AGFG1: variants seen among roughly 807,000 people sequenced by gnomAD.
AGFG1 encodes the protein ArfGAP with FG repeats 1, also known as arf-GAP domain and FG repeat-containing protein 1.
Under a neutral mutation model 60.6 loss-of-function variants are expected in AGFG1, and 10 were observed. That is an observed-to-expected ratio of 0.16 (90% CI 0.10 to 0.28). The LOEUF (loss-of-function observed/expected upper bound fraction) is 0.28. Among genes scored for constraint, AGFG1 ranks in the 10% least tolerant of loss-of-function variants. The pLI is 1.00. For missense variants in AGFG1, 537 were observed against 676.5 expected, an observed-to-expected ratio of 0.79 and a Z score of 2.29; for synonymous variants, 247 against 242.9, an observed-to-expected ratio of 1.02 and a Z score of -0.16.
At chr2:227,522,227 A>G (rs1399604755) in intron 3 of AGFG1, among the ~76,000 whole-genome samples, 1 of 152,238 alleles carries the variant, frequency 6.6e-6, no homozygotes, top group Admixed American at 6.5e-5. Context: ...TAAGTTCAGG[A>G]AAGAAGAAAA....
intron 10 of AGFG1, among the ~76,000 whole-genome samples, chr2:227,548,341 T>G (rs1432332511): frequency 6.6e-6 from 1 of 152,214 alleles, no homozygotes; most frequent in Non-Finnish European, 1.5e-5. Flanking sequence ...GTGTAGTATG[T>G]GAACTATATT....
intron 2 of AGFG1, chr2:227,508,465 A>G (rs944139179): frequency 3.1e-6 from 1 of 325,862 alleles, no homozygotes; most frequent in Admixed American, 3.9e-5. Context: ...CCCTTGCTCA[A>G]CTCCTTGTTT....
Position 227,484,677 on chromosome 2 carries a change from GTTTTTTTTTTGTTTTTTTTT to G in AGFG1, c.168-6859_168-6840del, listed in dbSNP as rs1415619546. Among the ~76,000 whole-genome samples, 4 of 115,906 alleles carry G rather than the reference GTTTTTTTTTTGTTTTTTTTT, an allele frequency of 3.5e-5. 1 individual carries two copies. The highest frequency in any genetic ancestry group is 1.3e-4 in the African/African-American group (4 of 29,924). 76.0% of individuals were successfully genotyped at this position (115,906 alleles called of 152,430 possible). Reference sequence around the variant, plus strand: ...AAGCTTCTTTAATGAAGATCTCTTAGTTTTTTTTTTGTTTTTTTTTTTTTTTTTTTTTTTTTTTTTTTTTG... The same window carrying G: ...AAGCTTCTTTAATGAAGATCTCTTAGTTTTTTTTTTTTTTTTTTTTTTTTG... On this transcript the variant is annotated intron_variant, in intron 1 of 12. Coordinates refer to ENST00000310078, the MANE Select transcript of AGFG1 (RefSeq NM_004504.5).
intron 10 of AGFG1, among the ~76,000 whole-genome samples, chr2:227,540,877 T>G (rs1418866247): frequency 6.6e-6 from 1 of 152,236 alleles, no homozygotes; most frequent in African/African-American, 2.4e-5. Context: ...GACTTTTTAA[T>G]GATCACCATT....
intron 2 of AGFG1, among the ~76,000 whole-genome samples, chr2:227,519,616 A>G (rs1229204690): frequency 1.3e-5 from 2 of 152,130 alleles, no homozygotes; most frequent in African/African-American, 2.4e-5. Context: ...CCATTGGTTC[A>G]GTTCCTTTGT....
At chr2:227,483,616 C>T (rs182695970) in intron 1 of AGFG1, among the ~76,000 whole-genome samples, 6 of 152,322 alleles carry the variant, frequency 3.9e-5, no homozygotes, top group Admixed American at 6.5e-5. Flanking sequence ...AACATATTAT[C>T]TTTAAGATTA....
rs1373815168 is a variant in AGFG1, at chr2:227,472,410, GGC to G, written c.-9_-8del. Reference sequence around the variant, plus strand: ...CCCGGCCCTGCCGGCCTCCTCCCTTGGCGCCGCGGCCATGGCGGCCAGCGCGA... The same window carrying G: ...CCCGGCCCTGCCGGCCTCCTCCCTTGGCCGCGGCCATGGCGGCCAGCGCGA... On this transcript the variant is annotated 5_prime_UTR_variant, in exon 1 of 13. Coordinates refer to ENST00000310078, the MANE Select transcript of AGFG1 (RefSeq NM_004504.5). 31 of 1,461,908 alleles carry G rather than the reference GGC, an allele frequency of 2.1e-5. No individual in the cohort carries two copies. Among genetic ancestry groups the G allele is most frequent in the Non-Finnish European group, 2.8e-5 (31 of 1,099,470 alleles). 90.6% of individuals were successfully genotyped at this position (1,461,908 alleles called of 1,614,324 possible).
intron 10 of AGFG1, 32 bp downstream of exon 10, chr2:227,537,025 T>A (rs780329927): frequency 1.3e-6 from 2 of 1,575,620 alleles, no homozygotes; most frequent in Non-Finnish European, 1.7e-6. Flanking sequence ...ACAGTAAGTT[T>A]TGGGGAAGAC....
chr2:227,511,591 A>G (rs966967455), intron 2 of AGFG1, among the ~76,000 whole-genome samples: 5 of 152,176 alleles, frequency 3.3e-5, no homozygotes, highest in African/African-American at 1.2e-4. Context: ...TACCTAAATA[A>G]GTTGGGGAAC....
rs1173304778 is a variant in AGFG1 at position 227,556,698 on chromosome 2, C to A, written c.*2203C>A. On this transcript the variant is annotated 3_prime_UTR_variant, in exon 13 of 13. Coordinates refer to ENST00000310078, the MANE Select transcript of AGFG1 (RefSeq NM_004504.5). ...AAAGACTATTTCTTTTTCTGGGTAACTATTGAAGTTTGTAATTAAATGGGG... is the reference window on the plus strand; with the variant it reads ...AAAGACTATTTCTTTTTCTGGGTAAATATTGAAGTTTGTAATTAAATGGGG... The A allele has an allele frequency of 6.6e-6, 1 of 152,502 alleles. No homozygotes were observed. The highest frequency in any genetic ancestry group is 2.4e-5 in the African/African-American group (1 of 41,402). 9.4% of individuals were successfully genotyped at this position (152,502 alleles called of 1,614,324 possible).
Position 227,520,129 on chromosome 2 carries a change from A to G in AGFG1, c.377+66A>G, listed in dbSNP as rs1691782186. The G allele has an allele frequency of 5.5e-6, 5 of 916,308 alleles. No individual in the cohort carries two copies. The South Asian group carries it at 7.7e-5, about 14-fold the overall frequency. The allele number at this position is 916,308 out of a possible 1,614,324, so 56.8% of individuals were successfully genotyped here. A position where few individuals can be genotyped will look rare whatever the true frequency, so the allele number is the denominator to read the frequency against. On this transcript the variant is annotated intron_variant, in intron 3 of 12. Transcript: ENST00000310078. ...TCACATATTAACTATGGGTAAGGTT[A>G]GTCTGACACAATGAAGGATAAAAGA...
intron 2 of AGFG1, among the ~76,000 whole-genome samples, chr2:227,497,320 C>T (rs889008229): frequency 1.3e-5 from 2 of 152,064 alleles, no homozygotes; most frequent in African/African-American, 4.8e-5. Flanking sequence ...CTTTTTATGA[C>T]CTGACTTCTT....
intron 2 of AGFG1, among the ~76,000 whole-genome samples, chr2:227,492,203 A>G (rs534092138): frequency 5.9e-5 from 9 of 152,050 alleles, no homozygotes; most frequent in African/African-American, 1.7e-4. Context: ...GGCTTCCAGT[A>G]ATTCTATTCT....
chr2:227,554,354 A>G, intron 12 of AGFG1, 82 bp from the exon 13 acceptor site: 1 of 1,197,212 alleles, frequency 8.4e-7, no homozygotes, highest in Non-Finnish European at 1.2e-6. Context: ...AATTAAAAAA[A>G]TTAAATTCAG....
rs1038977700 is a variant in AGFG1 at position 227,558,641 on chromosome 2, T to G, written c.*4146T>G. ...TTTATGTTTTAAAACTTAGTGACAT[T>G]AAACTTTTCACGTGGTTGTTTGTGA... On this transcript the variant is annotated 3_prime_UTR_variant, in exon 13 of 13. Coordinates refer to ENST00000310078, the MANE Select transcript of AGFG1 (RefSeq NM_004504.5). 6.6e-6 allele frequency: 1 copy of G among 152,220 alleles called. No individual in the cohort carries two copies. The highest frequency in any genetic ancestry group is 2.4e-5 in the African/African-American group (1 of 41,460). 9.4% of individuals were successfully genotyped at this position (152,220 alleles called of 1,614,324 possible). A position where few individuals can be genotyped will look rare whatever the true frequency, so the allele number is the denominator to read the frequency against.
rs527400548 is a variant in AGFG1 at position 227,548,712 on chromosome 2, C to T, written c.1379-3247C>T. Reference sequence around the variant, plus strand: ...CAGCACTTTGGGAGGCCGAGGCAGGCGGATCACGAGGTCAGGAGATCGAGA... The same window carrying T: ...CAGCACTTTGGGAGGCCGAGGCAGGTGGATCACGAGGTCAGGAGATCGAGA... On this transcript the variant is annotated intron_variant, in intron 10 of 12. Coordinates refer to ENST00000310078, the MANE Select transcript of AGFG1 (RefSeq NM_004504.5). Among the ~76,000 whole-genome samples, 193 of 152,194 alleles carry T rather than the reference C, an allele frequency of 1.3e-3. 1 individual carries two copies. Among genetic ancestry groups the T allele is most frequent in the Non-Finnish European group, 2.2e-3 (151 of 67,996 alleles).
chr2:227,558,239 T>G lies in AGFG1; in HGVS notation c.*3744T>G, dbSNP rs530726932. 16 of 152,320 alleles carry G rather than the reference T, an allele frequency of 1.1e-4. No homozygotes were observed. Among genetic ancestry groups the G allele is most frequent in the African/African-American group, 3.6e-4 (15 of 41,582 alleles). The allele number at this position is 152,320 out of a possible 1,614,324, so 9.4% of individuals were successfully genotyped here. On this transcript the variant is annotated 3_prime_UTR_variant, in exon 13 of 13. Transcript: ENST00000310078. ...CAGCTTTTTGCTCTGGGGAACAGAT[T>G]TGGATTAAATGCTATCACATTTATA...
intron 10 of AGFG1, among the ~76,000 whole-genome samples, chr2:227,544,661 AG>A (rs1373846571): frequency 6.6e-6 from 1 of 152,188 alleles, no homozygotes; most frequent in African/African-American, 2.4e-5. Flanking sequence ...TGGTGGTGAC[AG>A]AATCTCTCAG....
Position 227,512,101 on chromosome 2 carries a change from C to T in AGFG1, c.262-7847C>T, listed in dbSNP as rs1332757417. Among the ~76,000 whole-genome samples, 19 of 152,164 alleles carry T rather than the reference C, an allele frequency of 1.2e-4. 1 individual carries two copies. The highest frequency in any genetic ancestry group is 1.2e-3 in the Admixed American group (18 of 15,282). On this transcript the variant is annotated intron_variant, in intron 2 of 12. Coordinates refer to ENST00000310078, the MANE Select transcript of AGFG1 (RefSeq NM_004504.5). The stretch of plus-strand genomic sequence containing the variant: ...AAAATAAACAAGTCGGATTTCATAT[C>T]GCCTAAGTCTGATACTACCTTACCT...
Sources: gnomAD v4.1 joint callset for allele counts (sites outside exome capture counted in the v4.1 genomes callset) on GRCh38, gnomAD v4.1.1 for gene constraint, MANE v1.5 for transcripts, NCBI Gene and HGNC (gene_info 2026-07-23, HGNC 2026-07-21) for gene names.